The following SH3BGRL2 variants were observed in gnomAD, a reference collection of about 807,000 sequenced individuals.
The protein encoded by SH3BGRL2 is SH3 domain binding glutamate rich protein like 2.
In SH3BGRL2, 21 loss-of-function variants were observed where a neutral mutation model predicts 14.8. The observed-to-expected ratio is 1.42, with a 90% CI of 1.01 to 2.05. The LOEUF is 2.05. Ranked by LOEUF, SH3BGRL2 falls within the 30% of genes most tolerant of loss-of-function variation. SH3BGRL2 has a pLI of 0.00. For missense variants in SH3BGRL2, 147 were observed against 130.8 expected, an observed-to-expected ratio of 1.12 and a Z score of -0.61; for synonymous variants, 50 against 47.8, an observed-to-expected ratio of 1.05 and a Z score of -0.19.
At chr6:79,544,386 C>G in the SH3BGRL2 span, among the ~76,000 whole-genome samples, 1 of 152,166 alleles carries the variant, frequency 6.6e-6, no homozygotes, top group African/African-American at 2.4e-5. Context: ...GGAATAGAGC[C>G]TAATCACTGC....
At chr6:79,662,852 C>G (rs1328797191) in intron 1 of SH3BGRL2, among the ~76,000 whole-genome samples, 1 of 152,142 alleles carries the variant, frequency 6.6e-6, no homozygotes, top group Admixed American at 6.6e-5. Context: ...TTTCTTTCTA[C>G]TCTTTTTTGT....
chr6:79,538,668 G>T, the SH3BGRL2 span, among the ~76,000 whole-genome samples: 4 of 152,190 alleles, frequency 2.6e-5, no homozygotes, highest in African/African-American at 7.2e-5. Flanking sequence ...ACTTATAAAG[G>T]AAGTTGCTAG....
the SH3BGRL2 span, among the ~76,000 whole-genome samples, chr6:79,539,271 A>T: frequency 6.6e-6 from 1 of 152,226 alleles, no homozygotes; most frequent in East Asian, 1.9e-4. Flanking sequence ...GTTTTATGAC[A>T]TTACATGGTT....
At chr6:79,542,681 G>C in the SH3BGRL2 span, among the ~76,000 whole-genome samples, 2 of 152,188 alleles carry the variant, frequency 1.3e-5, no homozygotes, top group East Asian at 3.9e-4. Context: ...TTTAGGGAGA[G>C]GTTGGAAGGT....
chr6:79,625,086 T>C, the SH3BGRL2 span, among the ~76,000 whole-genome samples: 1 of 151,980 alleles, frequency 6.6e-6, no homozygotes, highest in African/African-American at 2.4e-5. Flanking sequence ...GGTGGGAGGA[T>C]CACTTGAGCC....
At chr6:79,696,889 A>AT (rs1301224318) in intron 3 of SH3BGRL2, among the ~76,000 whole-genome samples, 1 of 152,078 alleles carries the variant, frequency 6.6e-6, no homozygotes, top group Non-Finnish European at 1.5e-5. Context: ...TTTACTTTAC[A>AT]TTTTTTGAAA....
At chr6:79,654,457 T>C (rs979416271) in intron 1 of SH3BGRL2, among the ~76,000 whole-genome samples, 1 of 152,200 alleles carries the variant, frequency 6.6e-6, no homozygotes, top group Admixed American at 6.5e-5. Flanking sequence ...TTAGTCCCTG[T>C]TCTGTTTTCT....
chr6:79,674,958 A>G (rs1332864628), intron 2 of SH3BGRL2, among the ~76,000 whole-genome samples: 2 of 152,120 alleles, frequency 1.3e-5, no homozygotes, highest in Admixed American at 6.6e-5. Context: ...GAAAATTGTT[A>G]TTTTATGGGG....
the SH3BGRL2 span, among the ~76,000 whole-genome samples, chr6:79,577,309 G>GTTC: frequency 0.11 from 16,196 of 152,124 alleles, 963 homozygotes; most frequent in Non-Finnish European, 0.13. Context: ...GGTAGTGTAA[G>GTTC]TTCTTCTCCT....
chr6:79,688,735 T>G (rs1278662432), intron 2 of SH3BGRL2, among the ~76,000 whole-genome samples: 1 of 152,172 alleles, frequency 6.6e-6, no homozygotes, highest in Non-Finnish European at 1.5e-5. Context: ...TTTTATTTTA[T>G]TTAAGAATGC....
the SH3BGRL2 span, among the ~76,000 whole-genome samples, chr6:79,621,123 C>G: frequency 6.6e-6 from 1 of 151,942 alleles, no homozygotes; most frequent in African/African-American, 2.4e-5. Context: ...GGCACTTATT[C>G]AAACACTTGG....
the SH3BGRL2 span, among the ~76,000 whole-genome samples, chr6:79,586,204 A>T: frequency 6.6e-6 from 1 of 151,238 alleles, no homozygotes; most frequent in Admixed American, 6.6e-5. Context: ...CTCAAAAAAA[A>T]AAAAAAGCTA....
the SH3BGRL2 span, chr6:79,561,260 T>C: frequency 6.6e-6 from 1 of 151,990 alleles, no homozygotes; most frequent in Non-Finnish European, 1.5e-5. Context: ...TTAATTTAAA[T>C]AATAATTTTA....
rs183772299 is a variant in SH3BGRL2 at position 79,685,684 on chromosome 6, T to C, written c.232-10801T>C. ...TAATTATATAAATGTATATTATATG[T>C]ATATTGTTATAATTATATGAATACT... is the stretch of plus-strand genomic sequence containing the variant. On this transcript the variant is annotated intron_variant, in intron 2 of 3. Transcript: ENST00000369838. Among the ~76,000 whole-genome samples the C allele has an allele frequency of 5.3e-5, 8 of 151,990 alleles. No homozygotes were observed. The East Asian group carries it at 1.5e-3, about 29-fold the overall frequency.
At chr6:79,675,779 TAACTA>T (rs749273049) in intron 2 of SH3BGRL2, among the ~76,000 whole-genome samples, 26 of 152,164 alleles carry the variant, frequency 1.7e-4, no homozygotes, top group Non-Finnish European at 3.7e-4. Flanking sequence ...TACAAGATCT[TAACTA>T]AAGATATTAA....
chr6:79,667,294 C>G (rs974501708), intron 1 of SH3BGRL2, among the ~76,000 whole-genome samples: 3 of 151,934 alleles, frequency 2.0e-5, no homozygotes, highest in African/African-American at 7.3e-5. Flanking sequence ...GGACACAGTT[C>G]GAATAGTTGG....
At chr6:79,600,876 A>G in the SH3BGRL2 span, among the ~76,000 whole-genome samples, 3 of 152,092 alleles carry the variant, frequency 2.0e-5, no homozygotes, top group African/African-American at 7.2e-5. Context: ...CTATTAATAA[A>G]TCCTCACTGT....
At chr6:79,641,936 G>C (rs540450961) in intron 1 of SH3BGRL2, among the ~76,000 whole-genome samples, 12 of 152,242 alleles carry the variant, frequency 7.9e-5, no homozygotes, top group African/African-American at 2.9e-4. Context: ...AATTTGAGCA[G>C]GCCATTCACC....
the SH3BGRL2 span, among the ~76,000 whole-genome samples, chr6:79,623,121 C>T: frequency 6.6e-6 from 1 of 152,006 alleles, no homozygotes; most frequent in South Asian, 2.1e-4. Flanking sequence ...GCCTGGCCAA[C>T]ATAGTGAAAC....
Sources: gnomAD v4.1 joint callset for allele counts (sites outside exome capture counted in the v4.1 genomes callset) on GRCh38, gnomAD v4.1.1 for gene constraint, MANE v1.5 for transcripts, NCBI Gene and HGNC (gene_info 2026-07-23, HGNC 2026-07-21) for gene names.